The following SEMA3E variants were observed in gnomAD, a reference collection of about 807,000 sequenced individuals.
The protein encoded by SEMA3E is semaphorin 3E.
In SEMA3E, 49 loss-of-function variants were observed where a neutral mutation model predicts 93.6. The observed-to-expected ratio is 0.52, with a 90% CI of 0.42 to 0.66. The LOEUF is 0.66. SEMA3E is among the 30% of genes least tolerant of loss of function. The pLI is 0.00. For missense variants in SEMA3E, 906 were observed against 964.8 expected, an observed-to-expected ratio of 0.94 and a Z score of 0.81; for synonymous variants, 363 against 330.7, an observed-to-expected ratio of 1.10 and a Z score of -1.06.
chr7:83,445,570 T>C (rs1390863024), intron 4 of SEMA3E, among the ~76,000 whole-genome samples: 1 of 151,892 alleles, frequency 6.6e-6, no homozygotes, highest in Non-Finnish European at 1.5e-5. Context: ...ATACAAAAAT[T>C]AGCTGGGCGT....
intron 1 of SEMA3E, among the ~76,000 whole-genome samples, chr7:83,561,986 G>GC (rs1444427203): frequency 6.6e-6 from 1 of 152,064 alleles, no homozygotes; most frequent in Non-Finnish European, 1.5e-5. Context: ...TTTGGAGGGC[G>GC]CATGTATTCA....
intron 4 of SEMA3E, among the ~76,000 whole-genome samples, chr7:83,451,230 T>C (rs1381464499): frequency 6.6e-6 from 1 of 152,164 alleles, no homozygotes; most frequent in South Asian, 2.1e-4. Flanking sequence ...CTTTCCTTTA[T>C]AAATTACCCA....
intron 1 of SEMA3E, among the ~76,000 whole-genome samples, chr7:83,593,296 G>GTCTCTCTCTCTCTCTCTC (rs1792796958): frequency 2.6e-5 from 1 of 38,172 alleles, no homozygotes; most frequent in African/African-American, 1.2e-4. Context: ...GTGTGTGTGT[G>GTCTCTCTCTCTCTCTCTC]TGTGTGTGTG....
intron 1 of SEMA3E, among the ~76,000 whole-genome samples, chr7:83,560,306 C>A (rs749338956): frequency 4.6e-5 from 7 of 151,940 alleles, no homozygotes; most frequent in Non-Finnish European, 1.0e-4. Flanking sequence ...CGGGAGGCTA[C>A]GCATGTGTAG....
intron 2 of SEMA3E, among the ~76,000 whole-genome samples, chr7:83,478,178 C>T (rs1361886461): frequency 6.6e-6 from 1 of 152,136 alleles, no homozygotes; most frequent in Non-Finnish European, 1.5e-5. Flanking sequence ...CCGCCTTGGT[C>T]CCCCAAAGTG....
At chr7:83,426,510 T>C (rs1035789536) in intron 4 of SEMA3E, among the ~76,000 whole-genome samples, 9 of 151,996 alleles carry the variant, frequency 5.9e-5, no homozygotes, top group African/African-American at 2.2e-4. Flanking sequence ...TATAGAACAA[T>C]AGACATTGAG....
chr7:83,494,771 T>C (rs889845342), intron 1 of SEMA3E, among the ~76,000 whole-genome samples: 1 of 151,978 alleles, frequency 6.6e-6, no homozygotes, highest in Non-Finnish European at 1.5e-5. Context: ...CCCAATTATA[T>C]ATAAATTTCC....
chr7:83,511,284 T>C (rs1361476008), intron 1 of SEMA3E, among the ~76,000 whole-genome samples: 1 of 99,556 alleles, frequency 1.0e-5, no homozygotes, highest in Admixed American at 1.0e-4. Context: ...GTCTTAAATA[T>C]GTTTTTTTTT....
chr7:83,468,797 A>G (rs1299917304), intron 3 of SEMA3E, among the ~76,000 whole-genome samples: 3 of 152,186 alleles, frequency 2.0e-5, no homozygotes, highest in Non-Finnish European at 4.4e-5. Flanking sequence ...AAGAGACCCT[A>G]AAAATATTTA....
At chr7:83,603,090 G>A (rs1334726198) in intron 1 of SEMA3E, among the ~76,000 whole-genome samples, 3 of 152,012 alleles carry the variant, frequency 2.0e-5, no homozygotes, top group African/African-American at 7.2e-5. Context: ...TATTGTATAA[G>A]GTTTCTTCGA....
At chr7:83,392,815 G>GA (rs1043620524) in intron 13 of SEMA3E, 94 bp from the exon 14 acceptor site, 28 of 1,196,338 alleles carry the variant, frequency 2.3e-5, no homozygotes, top group African/African-American at 4.5e-5. Context: ...AATCACCTCA[G>GA]AAAAAATTCA....
intron 4 of SEMA3E, among the ~76,000 whole-genome samples, chr7:83,465,778 T>TGCTTCAGGGTAAA: frequency 6.6e-6 from 1 of 152,290 alleles, no homozygotes; most frequent in East Asian, 1.9e-4. Context: ...AAAATTGTGA[T>TGCTTCAGGGTAAA]ATAGAGTGCT....
intron 1 of SEMA3E, among the ~76,000 whole-genome samples, chr7:83,634,541 A>G (rs1314483154): frequency 2.0e-5 from 3 of 152,136 alleles, no homozygotes; most frequent in Non-Finnish European, 4.4e-5. Flanking sequence ...TCTGAGCAGT[A>G]TAATGACAAA....
intron 13 of SEMA3E, 139 bp from the exon 14 acceptor site, chr7:83,392,860 G>T: frequency 1.2e-6 from 1 of 828,640 alleles, no homozygotes; most frequent in Non-Finnish European, 2.0e-6. Context: ...GCAGTTTCAG[G>T]AGTTTGAGAC....
chr7:83,637,508 AT>A (rs1202595601), intron 1 of SEMA3E, among the ~76,000 whole-genome samples: 4 of 152,144 alleles, frequency 2.6e-5, no homozygotes, highest in Admixed American at 2.0e-4. Flanking sequence ...AATTGTAATA[AT>A]CCCCATGTGT....
At chr7:83,493,620 T>G (rs1401430535) in intron 1 of SEMA3E, among the ~76,000 whole-genome samples, 1 of 151,976 alleles carries the variant, frequency 6.6e-6, no homozygotes, top group Non-Finnish European at 1.5e-5. Context: ...AAAAATGCAT[T>G]GAATGCTTCG....
At chr7:83,505,462 T>C (rs1790681542) in intron 1 of SEMA3E, among the ~76,000 whole-genome samples, 1 of 152,184 alleles carries the variant, frequency 6.6e-6, no homozygotes, top group South Asian at 2.1e-4. Flanking sequence ...AAATTACCAC[T>C]GAATATACCA....
In SEMA3E at chr7:83,373,154, A is replaced by G. The variant is rs988558272; in HGVS notation, c.1876-5116T>C. 7 of 152,286 alleles carry G rather than the reference A, an allele frequency of 4.6e-5. No individual in the cohort carries two copies. The East Asian group carries it at 1.3e-3, about 29-fold the overall frequency. The allele number at this position is 152,286 out of a possible 1,614,324, so 9.4% of individuals were successfully genotyped here. On this transcript the variant is annotated intron_variant, in intron 16 of 16. Transcript: ENST00000643230. ...ATGTTTTATAATTTCTAGTAAAAAAAAAAGTAATTGAACAAAGAACTCTGA... is the reference window on the plus strand; with the variant it reads ...ATGTTTTATAATTTCTAGTAAAAAAGAAAGTAATTGAACAAAGAACTCTGA...
At chr7:83,637,292 G>A (rs1272655600) in intron 1 of SEMA3E, among the ~76,000 whole-genome samples, 2 of 151,982 alleles carry the variant, frequency 1.3e-5, no homozygotes, top group African/African-American at 4.8e-5. Context: ...ATTCCAAACA[G>A]TATACCACAT....
Sources: allele counts gnomAD v4.1 joint callset (sites outside exome capture counted in the v4.1 genomes callset), GRCh38; gene constraint gnomAD v4.1.1; transcripts MANE v1.5; gene names NCBI Gene and HGNC (gene_info 2026-07-23, HGNC 2026-07-21).